The following FUT8 variants were observed in gnomAD, a reference collection of about 807,000 sequenced individuals.
FUT8 encodes the protein alpha-(1,6)-fucosyltransferase.
In FUT8, 29 loss-of-function variants were observed where a neutral mutation model predicts 71.3. The ratio of observed to expected loss-of-function variants is 0.41; its 90% confidence interval spans 0.30 to 0.55. The LOEUF is 0.55. Among genes scored for constraint, FUT8 ranks in the 20% least tolerant of loss-of-function variants. FUT8 has a pLI of 0.34. For synonymous variants in FUT8, 254 were observed against 239.3 expected (o/e 1.06, Z -0.57); for missense variants, 544 against 702.1 (o/e 0.77, Z 2.55).
intron 2 of FUT8, among the ~76,000 whole-genome samples, chr14:65,487,290 A>T (rs1357806114): frequency 6.6e-6 from 1 of 152,148 alleles, no homozygotes; most frequent in African/African-American, 2.4e-5. Flanking sequence ...GGGGCTGGGC[A>T]TGGTGGCTCA....
At chr14:65,387,206 T>C in the FUT8 span, among the ~76,000 whole-genome samples, 53 of 152,198 alleles carry the variant, frequency 3.5e-4, 1 homozygote, top group Non-Finnish European at 6.8e-4. Context: ...TTAAGTGACT[T>C]GGAAACAGTT....
intron 5 of FUT8, chr14:65,617,278 TA>T: frequency 7.4e-7 from 1 of 1,348,794 alleles, no homozygotes; most frequent in Non-Finnish European, 9.8e-7. Context: ...AAATTATAAA[TA>T]AAAATCTGTC....
intron 3 of FUT8, among the ~76,000 whole-genome samples, chr14:65,572,163 G>T (rs912021216): frequency 1.4e-4 from 21 of 152,130 alleles, no homozygotes; most frequent in African/African-American, 5.1e-4. Context: ...CTATCAACTA[G>T]ATGTTGGATT....
At position 65,668,154 on chromosome 14, in the gene FUT8, T is replaced by C. The variant is rs527515486; in HGVS notation, c.598-1089T>C. Among the ~76,000 whole-genome samples the C allele has an allele frequency of 5.3e-5, 8 of 152,246 alleles. No homozygotes were observed. In the East Asian group the frequency reaches 7.7e-4, roughly 15 times the overall value. On this transcript the variant is annotated intron_variant, in intron 6 of 10. Transcript: ENST00000673929. ...AACCTAGGGAATACCATTGTGGATA[T>C]AGGCCCTGGCAAAGATTGCATGATG... is the stretch of plus-strand genomic sequence containing the variant.
chr14:65,612,295 T>TG (rs1889042002), intron 3 of FUT8, among the ~76,000 whole-genome samples: 1 of 152,234 alleles, frequency 6.6e-6, no homozygotes, highest in South Asian at 2.1e-4. Context: ...AATTGTTAAG[T>TG]GGGACCTAAG....
At chr14:65,736,257 TA>T (rs1896211744) in intron 10 of FUT8, among the ~76,000 whole-genome samples, 1 of 152,068 alleles carries the variant, frequency 6.6e-6, no homozygotes. Context: ...TTAAACACAT[TA>T]GCTGCTATTA....
upstream of FUT8, chr14:65,412,703 C>T (rs1253522012): frequency 5.6e-6 from 1 of 179,094 alleles, no homozygotes; most frequent in African/African-American, 2.4e-5. Context: ...TCCCAGAAGC[C>T]AGGAACGCCG....
At chr14:65,594,431 G>A (rs1198994085) in intron 3 of FUT8, among the ~76,000 whole-genome samples, 1 of 152,166 alleles carries the variant, frequency 6.6e-6, no homozygotes, top group Admixed American at 6.5e-5. Context: ...GGCCCCAGGG[G>A]GTATGTTGCA....
intron 3 of FUT8, among the ~76,000 whole-genome samples, chr14:65,584,693 A>G (rs770051905): frequency 1.3e-5 from 2 of 152,218 alleles, no homozygotes; most frequent in Non-Finnish European, 2.9e-5. Context: ...ATTTTAATGC[A>G]TCTTCTGTGT....
At chr14:65,461,349 T>TTA (rs1384001862) in intron 2 of FUT8, among the ~76,000 whole-genome samples, 1 of 152,346 alleles carries the variant, frequency 6.6e-6, no homozygotes, top group East Asian at 1.9e-4. Context: ...CAGAATGACA[T>TTA]TATATCAACT....
At chr14:65,656,907 A>G (rs1891710973) in intron 6 of FUT8, among the ~76,000 whole-genome samples, 1 of 152,206 alleles carries the variant, frequency 6.6e-6, no homozygotes, top group Admixed American at 6.5e-5. Flanking sequence ...TGGGGAAAGG[A>G]AAGTCTCTTC....
intron 3 of FUT8, among the ~76,000 whole-genome samples, chr14:65,591,222 G>T (rs1887668301): frequency 6.6e-6 from 1 of 152,068 alleles, no homozygotes; most frequent in South Asian, 2.1e-4. Context: ...GAGAAACTCG[G>T]ATTTACTTTT....
At chr14:65,544,511 G>C (rs1323045658) in intron 2 of FUT8, among the ~76,000 whole-genome samples, 2 of 152,048 alleles carry the variant, frequency 1.3e-5, no homozygotes, top group Non-Finnish European at 2.9e-5. Flanking sequence ...GAATTTACTA[G>C]TATTACCATT....
intron 3 of FUT8, among the ~76,000 whole-genome samples, chr14:65,601,900 G>T (rs1411940935): frequency 6.6e-6 from 1 of 152,034 alleles, no homozygotes; most frequent in Non-Finnish European, 1.5e-5. Flanking sequence ...TTGATATTTT[G>T]CCATATTTGC....
intron 3 of FUT8, among the ~76,000 whole-genome samples, chr14:65,605,788 T>C (rs1888551175): frequency 6.6e-6 from 1 of 151,610 alleles, no homozygotes; most frequent in African/African-American, 2.4e-5. Context: ...TTTTTAATTG[T>C]CGCCATTTTA....
rs2140326308 is a variant in FUT8 at position 65,652,165 on chromosome 14, C to T, written c.598-17078C>T. On this transcript the variant is annotated intron_variant, in intron 6 of 10. Coordinates refer to ENST00000673929, the MANE Select transcript of FUT8 (RefSeq NM_001371533.1). This position sits in a 1 kb window ranked among gnomAD's most constrained non-coding sequence, Gnocchi z 4.0. ...CTGCCAACACCTTGATTTTGGACTTCTGGCTTCCAGATCTGCCAAGAAACC... is the reference window on the plus strand; with the variant it reads ...CTGCCAACACCTTGATTTTGGACTTTTGGCTTCCAGATCTGCCAAGAAACC... Among the ~76,000 whole-genome samples the T allele has an allele frequency of 6.6e-6, 1 of 152,302 alleles. No homozygotes were observed. The highest frequency in any genetic ancestry group is 1.9e-4 in the East Asian group (1 of 5,180).
intron 3 of FUT8, among the ~76,000 whole-genome samples, chr14:65,579,298 T>TA (rs1886953118): frequency 6.6e-6 from 1 of 152,194 alleles, no homozygotes; most frequent in Admixed American, 6.5e-5. Context: ...CAGTATGGTT[T>TA]ATTAGCCTAT....
chr14:65,599,007 T>C (rs566249423), intron 3 of FUT8, among the ~76,000 whole-genome samples: 2 of 152,260 alleles, frequency 1.3e-5, no homozygotes, highest in Non-Finnish European at 2.9e-5. Flanking sequence ...GCCAGGATGG[T>C]CTCGATCTCC....
intron 1 of FUT8, among the ~76,000 whole-genome samples, chr14:65,433,786 T>TCCTCTCTCTCTCTCCCTCTC (rs143664958): frequency 6.9e-6 from 1 of 144,870 alleles, no homozygotes; most frequent in African/African-American, 2.7e-5. Flanking sequence ...CTTCTGTCTC[T>TCCTCTCTCTCTCTCCCTCTC]TCTCTCTCTC....
Sources: gnomAD v4.1 joint callset for allele counts (sites outside exome capture counted in the v4.1 genomes callset) on GRCh38, gnomAD v4.1.1 for gene constraint, Gnocchi (gnomAD v3.1) non-coding constraint, MANE v1.5 for transcripts, NCBI Gene and HGNC (gene_info 2026-07-23, HGNC 2026-07-21) for gene names.